Variants in ZHX3 observed in about 807,000 individuals in gnomAD.
ZHX3 encodes zinc fingers and homeoboxes 3.
ZHX3 carries 20 observed loss-of-function variants against 64.5 expected under a neutral mutation model. The ratio of observed to expected loss-of-function variants is 0.31; its 90% CI spans 0.22 to 0.45. The LOEUF is 0.45. ZHX3 is among the 20% of genes least tolerant of loss of function. The pLI is 1.00. For missense variants in ZHX3, 1,041 were observed against 1,195.8 expected (o/e 0.87, Z 1.91); for synonymous variants, 423 against 461.6 (o/e 0.92, Z 1.07).
chr20:41,226,096 T>TA lies in ZHX3; in HGVS notation c.-150-21031dup, dbSNP rs1056859075. 1.6e-4 allele frequency among the ~76,000 whole-genome samples: 24 copies of TA among 152,020 alleles called. No homozygotes were observed. The highest frequency in any genetic ancestry group is 2.9e-4 in the Non-Finnish European group (20 of 67,992). On this transcript the variant is annotated intron_variant, in intron 2 of 3. Transcript: ENST00000683867. The surrounding 1 kb of genome is among the most constrained non-coding windows in gnomAD (Gnocchi z 4.4). ...TAATACTACCAGAAACCTAGCTAGC[T>TA]AAAAAAAGTACTTATCTTGGGCTGG... is the stretch of plus-strand genomic sequence containing the variant.
intron 1 of ZHX3, among the ~76,000 whole-genome samples, chr20:41,284,115 G>A (rs1400289917): frequency 1.3e-5 from 2 of 152,134 alleles, no homozygotes; most frequent in African/African-American, 4.8e-5. Flanking sequence ...AATTGCACTT[G>A]CTTCATAATG....
chr20:41,220,449 G>A (rs2039859032), intron 2 of ZHX3, among the ~76,000 whole-genome samples: 1 of 152,118 alleles, frequency 6.6e-6, no homozygotes, highest in African/African-American at 2.4e-5. Context: ...CGAAGCTTTG[G>A]GGACCCTCAC....
Position 41,202,959 on chromosome 20 carries a change from C to A in ZHX3, c.1958G>T (p.Arg653Leu). Reference sequence around the variant, plus strand: ...TGAAAACCAGCTATCAATTTCTCGTCGGGTCATTTTGGTTTCACTTCTCAG... The same window carrying A: ...TGAAAACCAGCTATCAATTTCTCGTAGGGTCATTTTGGTTTCACTTCTCAG... ...DRLRSETKMT[R>L]REIDSWFSER... Residue 653 changes from arginine (R) to leucine (L), a missense_variant, in exon 3 of 4, where the codon CGA (arginine) becomes CTA (leucine). This residue lies in a region of ZHX3 where 649 missense variants were observed against 739.8 expected (regional missense o/e 0.88). Transcript: ENST00000683867. This position sits in a 1 kb window ranked among gnomAD's most constrained non-coding sequence, Gnocchi z 7.0. 2.5e-6 allele frequency: 4 copies of A among 1,614,078 alleles called. No individual in the cohort carries two copies. The highest frequency in any genetic ancestry group is 3.4e-6 in the Non-Finnish European group (4 of 1,180,024).
rs1293703764 is a variant in ZHX3, at chr20:41,202,950, A to G, written c.1967T>C (p.Ile656Thr). Residue 656 changes from isoleucine to threonine, a missense_variant, in exon 3 of 4, where the codon ATT becomes ACT. Coordinates refer to ENST00000683867, the MANE Select transcript of ZHX3 (RefSeq NM_001384317.1). The surrounding 1 kb of genome is among the most constrained non-coding windows in gnomAD (Gnocchi z 7.0). ...RSETKMTRRE[I>T]DSWFSERRKK... The stretch of plus-strand genomic sequence containing the variant: ...CCGTCTCTCTGAAAACCAGCTATCA[A>G]TTTCTCGTCGGGTCATTTTGGTTTC... The G allele has an allele frequency of 1.9e-5, 30 of 1,613,604 alleles. No individual in the cohort carries two copies. Among genetic ancestry groups the G allele is most frequent in the Non-Finnish European group, 2.5e-5 (30 of 1,179,946 alleles).
intron 1 of ZHX3, among the ~76,000 whole-genome samples, chr20:41,309,545 T>C (rs1228538551): frequency 2.0e-5 from 3 of 152,190 alleles, no homozygotes; most frequent in Non-Finnish European, 2.9e-5. Flanking sequence ...CCCTCTTGAA[T>C]TGGGATTCCT....
intron 2 of ZHX3, among the ~76,000 whole-genome samples, chr20:41,205,707 T>C (rs1201559004): frequency 6.6e-6 from 1 of 152,180 alleles, no homozygotes; most frequent in Non-Finnish European, 1.5e-5. Context: ...CCCGGACCAC[T>C]GTTACTGAGA....
intron 1 of ZHX3, among the ~76,000 whole-genome samples, chr20:41,285,697 G>A (rs1199610986): frequency 6.6e-6 from 1 of 152,214 alleles, no homozygotes; most frequent in Admixed American, 6.5e-5. Flanking sequence ...ATGAATTATA[G>A]GGTCAAAACT....
At position 41,202,760 on chromosome 20, in the gene ZHX3, C is replaced by G; in HGVS notation, c.2157G>C (p.Glu719Asp). The G allele has an allele frequency of 6.2e-7, 1 of 1,614,150 alleles. No individual in the cohort carries two copies. Among genetic ancestry groups the G allele is most frequent in the African/African-American group, 1.3e-5 (1 of 75,038 alleles). Reference sequence around the variant, plus strand: ...TGATTTTAATGGGGCTGACTTTGCGCTCTGCCAAGATATGGCTGCTGGGCA... The same window carrying G: ...TGATTTTAATGGGGCTGACTTTGCGGTCTGCCAAGATATGGCTGCTGGGCA... Reference protein sequence around the residue: ...LEMPSSHILAERKVSPIKINL... With the variant: ...LEMPSSHILADRKVSPIKINL... Residue 719 changes from glutamate (E) to aspartate (D), a missense_variant, in exon 3 of 4, where the codon GAG becomes GAC. This residue lies in a region of ZHX3 where 649 missense variants were observed against 739.8 expected (regional missense o/e 0.88). Coordinates refer to ENST00000683867, the MANE Select transcript of ZHX3 (RefSeq NM_001384317.1). The surrounding 1 kb of genome is among the most constrained non-coding windows in gnomAD (Gnocchi z 7.0).
In ZHX3 at chr20:41,228,962, TTAAG is replaced by T. The variant is rs762871437; in HGVS notation, c.-150-23900_-150-23897del. 6.6e-6 allele frequency among the ~76,000 whole-genome samples: 1 copy of T among 152,174 alleles called. No homozygotes were observed. The highest frequency in any genetic ancestry group is 1.5e-5 in the Non-Finnish European group (1 of 68,038). ...TTTTTAGGTGGAGAGTTCAGTAGCA[TTAAG>T]TATTAACACAGTCACATTGTTGTAC... On this transcript the variant is annotated intron_variant, in intron 2 of 3. Transcript: ENST00000683867. This position sits in a 1 kb window ranked among gnomAD's most constrained non-coding sequence, Gnocchi z 4.6.
At chr20:41,217,589 A>G (rs1024051456) in intron 2 of ZHX3, among the ~76,000 whole-genome samples, 2 of 152,196 alleles carry the variant, frequency 1.3e-5, no homozygotes, top group Non-Finnish European at 2.9e-5. Flanking sequence ...CTGCTGCCCA[A>G]GCCAATCCTA....
chr20:41,308,274 CG>C (rs1568967207), intron 1 of ZHX3, among the ~76,000 whole-genome samples: 3 of 152,190 alleles, frequency 2.0e-5, no homozygotes. Context: ...TAATCCTCCA[CG>C]GCCACATTTT....
At chr20:41,235,292 A>G (rs1245554916) in intron 2 of ZHX3, among the ~76,000 whole-genome samples, 1 of 152,206 alleles carries the variant, frequency 6.6e-6, no homozygotes, top group Non-Finnish European at 1.5e-5. Context: ...TTATCCTGAT[A>G]CTAAAGCCTG....
intron 3 of ZHX3, among the ~76,000 whole-genome samples, chr20:41,188,977 G>A (rs558989600): frequency 6.6e-6 from 1 of 152,150 alleles, no homozygotes; most frequent in African/African-American, 2.4e-5. Context: ...CATAATTCAA[G>A]GTCTTATATT....
At chr20:41,312,375 G>C (rs2045165944) in intron 1 of ZHX3, among the ~76,000 whole-genome samples, 2 of 152,288 alleles carry the variant, frequency 1.3e-5, no homozygotes, top group South Asian at 4.2e-4. Context: ...TTCCCTTCCA[G>C]GTTGTGGAAG....
chr20:41,287,542 T>C (rs2043999242), intron 1 of ZHX3, among the ~76,000 whole-genome samples: 1 of 152,186 alleles, frequency 6.6e-6, no homozygotes, highest in South Asian at 2.1e-4. Context: ...GATTAAGTCA[T>C]ATAAAGACCA....
intron 1 of ZHX3, among the ~76,000 whole-genome samples, chr20:41,304,353 C>A (rs540491036): frequency 2.0e-5 from 3 of 152,196 alleles, no homozygotes; most frequent in Admixed American, 1.3e-4. Context: ...CAGTCCAGAC[C>A]ACTCATGTGA....
At chr20:41,220,525 A>AT (rs1325898120) in intron 2 of ZHX3, among the ~76,000 whole-genome samples, 3 of 152,038 alleles carry the variant, frequency 2.0e-5, no homozygotes, top group East Asian at 1.9e-4. Flanking sequence ...TTATTCTTAG[A>AT]TTTTTTTCTT....
chr20:41,307,936 A>G (rs762242427), intron 1 of ZHX3, among the ~76,000 whole-genome samples: 1 of 152,188 alleles, frequency 6.6e-6, no homozygotes, highest in Non-Finnish European at 1.5e-5. Flanking sequence ...CCTTGAGGAC[A>G]TGGACCCTCT....
intron 2 of ZHX3, among the ~76,000 whole-genome samples, chr20:41,211,526 T>G (rs181135134): frequency 6.6e-6 from 1 of 152,322 alleles, no homozygotes; most frequent in Admixed American, 6.5e-5. Flanking sequence ...TTAAATAAAT[T>G]TAATGTCTAT....
Sources: allele counts gnomAD v4.1 joint callset (sites outside exome capture counted in the v4.1 genomes callset), GRCh38; gene constraint gnomAD v4.1.1; regional missense constraint gnomAD v4.1.1; non-coding constraint Gnocchi (gnomAD v3.1); transcripts MANE v1.5; gene names NCBI Gene and HGNC (gene_info 2026-07-23, HGNC 2026-07-21).